Variants in GAB1 observed in about 807,000 individuals in gnomAD.
The protein encoded by GAB1 is GRB2 associated binding protein 1.
In GAB1, 19 loss-of-function variants were observed where a neutral mutation model predicts 66.5. The observed-to-expected ratio is 0.29, with a 90% CI of 0.20 to 0.42. The LOEUF (loss-of-function observed/expected upper bound fraction) is 0.42, where lower values mean the gene tolerates loss of function less well. Among genes scored for constraint, GAB1 ranks in the 10% least tolerant of loss-of-function variants. The pLI is 1.00. For synonymous variants in GAB1, 294 were observed against 301.4 expected (o/e 0.98, Z 0.25); for missense variants, 732 against 858.5 (o/e 0.85, Z 1.84).
chr4:143,438,833 C>T (rs1017811822), intron 4 of GAB1, among the ~76,000 whole-genome samples: 6 of 152,100 alleles, frequency 3.9e-5, no homozygotes, highest in Non-Finnish European at 5.9e-5. Flanking sequence ...GCCTTCCTGC[C>T]TCAGGAAGTG....
intron 1 of GAB1, among the ~76,000 whole-genome samples, chr4:143,382,415 AG>A (rs1456064217): frequency 6.6e-6 from 1 of 152,218 alleles, no homozygotes; most frequent in Non-Finnish European, 1.5e-5. Flanking sequence ...TGTTTCCCTC[AG>A]GAATAGTGTA....
chr4:143,396,473 C>G (rs967138802), intron 1 of GAB1, among the ~76,000 whole-genome samples: 12 of 152,074 alleles, frequency 7.9e-5, no homozygotes, highest in African/African-American at 1.7e-4. Flanking sequence ...AAGATGCACT[C>G]TAAGACTGAT....
chr4:143,453,498 C>A (rs1181374047), intron 6 of GAB1, among the ~76,000 whole-genome samples: 1 of 152,150 alleles, frequency 6.6e-6, no homozygotes, highest in African/African-American at 2.4e-5. Flanking sequence ...ACTTAATCCA[C>A]ATTGTCTTCA....
chr4:143,445,045 G>A (rs1734436428), intron 6 of GAB1, among the ~76,000 whole-genome samples: 1 of 152,166 alleles, frequency 6.6e-6, no homozygotes, highest in South Asian at 2.1e-4. Context: ...CACTGCTGCA[G>A]TGAACATGCG....
intron 1 of GAB1, among the ~76,000 whole-genome samples, chr4:143,347,164 C>T (rs1175781786): frequency 6.6e-6 from 1 of 152,166 alleles, no homozygotes; most frequent in African/African-American, 2.4e-5. Context: ...ACAGAGATGG[C>T]ATTTGTTCTC....
chr4:143,448,369 C>T (rs1353766890), intron 6 of GAB1, among the ~76,000 whole-genome samples: 5 of 151,848 alleles, frequency 3.3e-5, no homozygotes. Flanking sequence ...AGGAATGGTA[C>T]CAGTTCTTCC....
chr4:143,404,946 C>T (rs1290039945), intron 1 of GAB1, among the ~76,000 whole-genome samples: 1 of 152,176 alleles, frequency 6.6e-6, no homozygotes, highest in East Asian at 1.9e-4. Context: ...TTCTGTTGGA[C>T]AGCACTGCTC....
chr4:143,348,645 T>G (rs981769159), intron 1 of GAB1, among the ~76,000 whole-genome samples: 2 of 152,250 alleles, frequency 1.3e-5, no homozygotes, highest in African/African-American at 4.8e-5. Flanking sequence ...AGAGTGACTT[T>G]TCTGAAATAC....
intron 9 of GAB1, among the ~76,000 whole-genome samples, chr4:143,467,502 ATGTC>A (rs1355052044): frequency 1.3e-5 from 2 of 152,128 alleles, no homozygotes; most frequent in South Asian, 2.1e-4. Context: ...TTTATCAAAT[ATGTC>A]TGGCCAATTT....
At chr4:143,398,677 A>T (rs1731586481) in intron 1 of GAB1, among the ~76,000 whole-genome samples, 1 of 152,094 alleles carries the variant, frequency 6.6e-6, no homozygotes, top group East Asian at 1.9e-4. Flanking sequence ...TGAGGGGGTC[A>T]TCTGATTGGT....
intron 6 of GAB1, among the ~76,000 whole-genome samples, chr4:143,455,566 A>G (rs1390931774): frequency 6.6e-6 from 1 of 152,214 alleles, no homozygotes; most frequent in Non-Finnish European, 1.5e-5. Context: ...TGCATCTCAC[A>G]TACTAGGTCA....
intron 6 of GAB1, among the ~76,000 whole-genome samples, chr4:143,456,439 TGA>T (rs1259856096): frequency 2.8e-5 from 4 of 144,666 alleles, no homozygotes; most frequent in African/African-American, 1.1e-4. Flanking sequence ...CCTGGGCGAC[TGA>T]GAGAGACTCC....
rs1734153064 is a variant in GAB1, at chr4:143,440,237, T to G, written c.1440T>G (p.Phe480Leu). Reference sequence around the variant, plus strand: ...ATGTGCCAATGACTCCAGGAACATTTGATTTTTCCTCATTTGGAATGCAAG... The same window carrying G: ...ATGTGCCAATGACTCCAGGAACATTGGATTTTTCCTCATTTGGAATGCAAG... ...ANYVPMTPGT[F>L]DFSSFGMQVP... The change falls in exon 6 of 10, where the codon TTT becomes TTG. Residue 480 changes from phenylalanine to leucine, a missense_variant. By Grantham distance (22) the Phe-to-Leu change is conservative. Coordinates refer to ENST00000262994, the MANE Select transcript of GAB1 (RefSeq NM_002039.4). 6.2e-7 allele frequency: 1 copy of G among 1,614,108 alleles called. No individual in the cohort carries two copies. The highest frequency in any genetic ancestry group is 8.5e-7 in the Non-Finnish European group (1 of 1,180,012).
At chr4:143,354,285 CT>C (rs1191922480) in intron 1 of GAB1, among the ~76,000 whole-genome samples, 2 of 151,668 alleles carry the variant, frequency 1.3e-5, no homozygotes, top group East Asian at 1.9e-4. Flanking sequence ...GTATTCCTAA[CT>C]TTTTTTCAGA....
chr4:143,376,162 A>G (rs1046355645), intron 1 of GAB1, among the ~76,000 whole-genome samples: 2 of 152,184 alleles, frequency 1.3e-5, no homozygotes, highest in Non-Finnish European at 2.9e-5. Flanking sequence ...TACCTGCAGA[A>G]CTATAACCTA....
intron 1 of GAB1, among the ~76,000 whole-genome samples, chr4:143,348,895 C>T (rs909489135): frequency 2.0e-5 from 3 of 152,200 alleles, no homozygotes; most frequent in African/African-American, 7.2e-5. Context: ...CTCTCCTCTC[C>T]TCCAGGAGTC....
At chr4:143,337,662 G>A (rs1362819255) in intron 1 of GAB1, among the ~76,000 whole-genome samples, 1 of 152,158 alleles carries the variant, frequency 6.6e-6, no homozygotes, top group African/African-American at 2.4e-5. Flanking sequence ...CTCCCGCACC[G>A]GGAAAACTGC....
chr4:143,383,358 CCA>C (rs1472679553), intron 1 of GAB1, among the ~76,000 whole-genome samples: 1 of 152,190 alleles, frequency 6.6e-6, no homozygotes, highest in Admixed American at 6.6e-5. Context: ...GTTTCCAAAA[CCA>C]CATTCTTTGT....
chr4:143,372,545 A>G (rs534019187), intron 1 of GAB1, among the ~76,000 whole-genome samples: 1 of 152,336 alleles, frequency 6.6e-6, no homozygotes, highest in Non-Finnish European at 1.5e-5. Flanking sequence ...GTCACAAGAG[A>G]AAACTGTGGC....
Sources: gnomAD v4.1 joint callset for allele counts (sites outside exome capture counted in the v4.1 genomes callset) on GRCh38, gnomAD v4.1.1 for gene constraint, MANE v1.5 for transcripts, NCBI Gene and HGNC (gene_info 2026-07-23, HGNC 2026-07-21) for gene names.